The following KCNQ2 variants were observed in gnomAD, a reference collection of about 807,000 sequenced individuals.
KCNQ2 encodes the protein potassium voltage-gated channel subfamily Q member 2.
Under a neutral mutation model 84.8 loss-of-function variants are expected in KCNQ2, and 14 were observed. That is an observed-to-expected ratio of 0.17 (90% CI 0.11 to 0.26). The LOEUF is 0.26. Ranked by LOEUF, KCNQ2 falls within the 10% of genes least tolerant of loss-of-function variation. KCNQ2 has a pLI of 1.00. For missense variants in KCNQ2, 788 were observed against 1,254.0 expected (o/e 0.63, Z 5.61); for synonymous variants, 599 against 554.1 (o/e 1.08, Z -1.14).
chr20:63,451,559 C>T (rs1254586620), intron 1 of KCNQ2, among the ~76,000 whole-genome samples: 1 of 152,168 alleles, frequency 6.6e-6, no homozygotes, highest in Non-Finnish European at 1.5e-5. Context: ...CACAAACCCG[C>T]GTGGACCTCG....
At chr20:63,423,918 C>A (rs572250081) in intron 11 of KCNQ2, 1 of 527,500 alleles carries the variant, frequency 1.9e-6, no homozygotes, top group Non-Finnish European at 3.5e-6. Flanking sequence ...GGATCCCCCA[C>A]CCCCGAGAAG....
chr20:63,449,512 T>C (rs1211030426), intron 1 of KCNQ2, among the ~76,000 whole-genome samples: 3 of 152,194 alleles, frequency 2.0e-5, no homozygotes, highest in Admixed American at 6.5e-5. Flanking sequence ...CAGGTCAGCG[T>C]TGGCCGCAGT....
intron 1 of KCNQ2, among the ~76,000 whole-genome samples, chr20:63,469,188 T>TC (rs1341780849): frequency 6.6e-6 from 1 of 151,714 alleles, no homozygotes; most frequent in Non-Finnish European, 1.5e-5. Flanking sequence ...TGGCCCAGAG[T>TC]CCCCTGCGGC....
At chr20:63,424,278 C>T in intron 10 of KCNQ2, 72 bp from the exon 11 acceptor site, 1 of 1,509,922 alleles carries the variant, frequency 6.6e-7, no homozygotes. Context: ...ACCAGTCCAG[C>T]CCCCCACAGT....
At chr20:63,433,623 G>C (rs2080895184) in intron 8 of KCNQ2, 186 bp downstream of exon 8, 1 of 1,078,018 alleles carries the variant, frequency 9.3e-7, no homozygotes, top group Non-Finnish European at 1.4e-6. Flanking sequence ...AGAGAAAGCC[G>C]CAGCTCTAAC....
At chr20:63,463,481 C>T (rs1283614319) in intron 1 of KCNQ2, among the ~76,000 whole-genome samples, 3 of 152,148 alleles carry the variant, frequency 2.0e-5, no homozygotes, top group African/African-American at 7.2e-5. Flanking sequence ...AAGTCCCACA[C>T]ACGTGCCCTC....
intron 1 of KCNQ2, among the ~76,000 whole-genome samples, chr20:63,468,643 C>G (rs911103254): frequency 6.6e-6 from 1 of 152,246 alleles, no homozygotes; most frequent in Non-Finnish European, 1.5e-5. Flanking sequence ...GACACAGCAC[C>G]TGGTCAAGCA....
intron 1 of KCNQ2, among the ~76,000 whole-genome samples, chr20:63,451,007 G>A (rs186994450): frequency 3.3e-5 from 5 of 151,778 alleles, no homozygotes; most frequent in Admixed American, 6.6e-5. Flanking sequence ...GCATGGTGGC[G>A]CAGGTCTGTA....
chr20:63,437,160 C>T (rs530551674), intron 7 of KCNQ2, among the ~76,000 whole-genome samples: 2 of 152,282 alleles, frequency 1.3e-5, no homozygotes, highest in South Asian at 4.2e-4. Flanking sequence ...CCGTAGTGGT[C>T]TGGAACCACG....
intron 5 of KCNQ2, among the ~76,000 whole-genome samples, chr20:63,441,030 T>G (rs1379849941): frequency 1.8e-5 from 1 of 56,104 alleles, no homozygotes. Context: ...TGCAGTGGCG[T>G]GATCCCGGCT....
chr20:63,434,837 G>A (rs2080944054), intron 7 of KCNQ2: 2 of 152,276 alleles, frequency 1.3e-5, no homozygotes, highest in African/African-American at 4.8e-5. Flanking sequence ...TCCATTAATA[G>A]ACATTTCAGC....
At chr20:63,440,840 G>A (rs1163163439) in intron 5 of KCNQ2, among the ~76,000 whole-genome samples, 1 of 152,090 alleles carries the variant, frequency 6.6e-6, no homozygotes, top group East Asian at 2.0e-4. Context: ...ACTCTGGGAA[G>A]GAGGCTGCCA....
rs761878820 is a variant in KCNQ2 at position 63,438,606 on chromosome 20, G to A, written c.1023+19C>T. 1.8e-5 allele frequency: 29 copies of A among 1,606,336 alleles called. No homozygotes were observed. The highest frequency in any genetic ancestry group is 8.0e-5 in the African/African-American group (6 of 74,762). On this transcript the variant is annotated intron_variant, in intron 7 of 16. Coordinates refer to ENST00000359125, the MANE Select transcript of KCNQ2 (RefSeq NM_172107.4). This position sits in a 1 kb window ranked among gnomAD's most constrained non-coding sequence, Gnocchi z 5.1. The stretch of plus-strand genomic sequence containing the variant: ...CAGGACAAGGGCTGTGCTGGTCCCC[G>A]GGGGACACCTGGACTCACCTGGATC...
At chr20:63,440,498 G>A (rs1161653404) in intron 5 of KCNQ2, among the ~76,000 whole-genome samples, 1 of 152,216 alleles carries the variant, frequency 6.6e-6, no homozygotes, top group African/African-American at 2.4e-5. Flanking sequence ...CAAGCCACGG[G>A]CTCAGGACAG....
chr20:63,419,753 C>G, intron 11 of KCNQ2, 81 bp from the exon 12 acceptor site: 5 of 1,278,074 alleles, frequency 3.9e-6, no homozygotes, highest in Non-Finnish European at 4.5e-6. Context: ...GGCACTGCAA[C>G]CACCCAGGGT....
Position 63,419,747 on chromosome 20 carries a change from C to T in KCNQ2, c.1248-75G>A, listed in dbSNP as rs377643989. 9.0e-4 allele frequency: 1,187 copies of T among 1,315,916 alleles called. 18 individuals are homozygous for T. In the South Asian group the frequency reaches 0.014, roughly 15 times the overall value. 81.5% of individuals were successfully genotyped at this position (1,315,916 alleles called of 1,614,324 possible). On this transcript the variant is annotated intron_variant, in intron 11 of 16. Coordinates refer to ENST00000359125, the MANE Select transcript of KCNQ2 (RefSeq NM_172107.4). ...GGCCGGGAGCAGGGAAACTGAGGCA[C>T]TGCAACCACCCAGGGTGTTGTGTGC... is the stretch of plus-strand genomic sequence containing the variant.
chr20:63,417,551 G>A (rs907194373), intron 12 of KCNQ2, among the ~76,000 whole-genome samples: 4 of 152,192 alleles, frequency 2.6e-5, no homozygotes, highest in South Asian at 2.1e-4. Context: ...GGCAGAGCCC[G>A]GTGCTGAGGG....
chr20:63,416,037 CCT>C (rs1203403507), intron 12 of KCNQ2, among the ~76,000 whole-genome samples: 5 of 152,130 alleles, frequency 3.3e-5, no homozygotes, highest in African/African-American at 9.7e-5. Context: ...TCAGGCCTCC[CCT>C]GTCAGGCTCC....
chr20:63,431,513 T>A, intron 8 of KCNQ2, 144 bp from the exon 9 acceptor site: 2 of 913,704 alleles, frequency 2.2e-6, no homozygotes, highest in Non-Finnish European at 3.6e-6. Context: ...GCTGGTTCTG[T>A]CCCTGCCCTG....
Sources: allele counts gnomAD v4.1 joint callset (sites outside exome capture counted in the v4.1 genomes callset), GRCh38; gene constraint gnomAD v4.1.1; non-coding constraint Gnocchi (gnomAD v3.1); transcripts MANE v1.5; gene names NCBI Gene and HGNC (gene_info 2026-07-23, HGNC 2026-07-21).